SECISBP2: variants seen among roughly 807,000 people sequenced by gnomAD.
SECISBP2 encodes selenocysteine insertion sequence-binding protein 2.
A neutral mutation model predicts 98.2 loss-of-function variants in SECISBP2; 96 were observed. That is an observed-to-expected ratio of 0.98 (90% CI 0.83 to 1.16). SECISBP2 has a LOEUF of 1.16. Ranked by LOEUF, SECISBP2 falls within the 50% of genes most tolerant of loss-of-function variation. The probability of loss-of-function intolerance (pLI) is 0.00; values close to 1 mark genes in which losing one functional copy is unlikely to be tolerated. For synonymous variants in SECISBP2, 407 were observed against 370.2 expected (o/e 1.10, Z -1.14); for missense variants, 1,046 against 1,022.9 (o/e 1.02, Z -0.31).
chr9:89,341,287 A>G, intron 9 of SECISBP2, 60 bp from the exon 10 acceptor site: 1 of 1,511,178 alleles, frequency 6.6e-7, no homozygotes, highest in Non-Finnish European at 9.1e-7. Flanking sequence ...AGTTTTTTGT[A>G]AAAAGAAAAG....
intron 13 of SECISBP2, among the ~76,000 whole-genome samples, chr9:89,350,288 C>T (rs1197558921): frequency 2.0e-5 from 3 of 152,194 alleles, no homozygotes; most frequent in Non-Finnish European, 4.4e-5. Context: ...CTCACTCTGC[C>T]TTCTCCCCTG....
At chr9:89,365,788 ACAGTAGTGGC>A in the SECISBP2 span, 16 of 152,390 alleles carry the variant, frequency 1.0e-4, no homozygotes, top group East Asian at 3.1e-3. Context: ...CCTGGGCAGG[ACAGTAGTGGC>A]CAGAGAGCTT....
downstream of SECISBP2, chr9:89,361,513 A>G (rs529122820): frequency 1.3e-5 from 2 of 152,318 alleles, no homozygotes; most frequent in East Asian, 3.9e-4. Flanking sequence ...GGACAAGTTC[A>G]CACACACAGT....
intron 14 of SECISBP2, among the ~76,000 whole-genome samples, chr9:89,352,284 C>G (rs1164541987): frequency 6.6e-6 from 1 of 152,198 alleles, no homozygotes; most frequent in African/African-American, 2.4e-5. Flanking sequence ...CCTTCATTCC[C>G]AGCTCACTGC....
downstream of SECISBP2, chr9:89,362,252 A>T: frequency 7.5e-7 from 1 of 1,338,032 alleles, no homozygotes; most frequent in Non-Finnish European, 1.1e-6. Context: ...TCTGCCCATC[A>T]GGTGGTGGCC....
the SECISBP2 span, among the ~76,000 whole-genome samples, chr9:89,366,121 C>T: frequency 1.3e-5 from 2 of 152,136 alleles, no homozygotes; most frequent in Non-Finnish European, 2.9e-5. Flanking sequence ...GTCACTCATT[C>T]GAAGTGCCAT....
At chr9:89,320,691 T>G (rs1255319223) in intron 2 of SECISBP2, among the ~76,000 whole-genome samples, 1 of 152,222 alleles carries the variant, frequency 6.6e-6, no homozygotes, top group African/African-American at 2.4e-5. Context: ...AAGGCTTACA[T>G]TTTTCCTTAC....
In SECISBP2 at chr9:89,328,691, C is replaced by T. The variant is rs1827200144; in HGVS notation, c.606C>T (p.Ser202=). 2.5e-6 allele frequency: 4 copies of T among 1,614,060 alleles called. No individual in the cohort carries two copies. The highest frequency in any genetic ancestry group is 3.3e-4 in the Middle Eastern group (2 of 6,062). Residue 202 remains serine (S), a synonymous_variant, in exon 5 of 17, where the codon TCC becomes TCT. Transcript: ENST00000375807. ...ACCATAAGCGAACAGACAGGAAATC[C>T]AGAATCATTGCAAAAAATGTATCTA... ...DGYHKRTDRK[S]RIIAKNVSTS...
chr9:89,359,842 C>T (rs1020097513), downstream of SECISBP2, among the ~76,000 whole-genome samples: 12 of 152,062 alleles, frequency 7.9e-5, no homozygotes, highest in Non-Finnish European at 1.2e-4. Context: ...ACAGACCTGC[C>T]GGAGCCAGAT....
downstream of SECISBP2, chr9:89,361,990 G>T: frequency 3.5e-6 from 1 of 289,096 alleles, no homozygotes; most frequent in South Asian, 5.9e-5. Flanking sequence ...ATTAGGGGGT[G>T]GGGGCACTCT....
chr9:89,334,810 A>G (rs1828357865), intron 7 of SECISBP2, 80 bp downstream of exon 7: 1 of 1,050,056 alleles, frequency 9.5e-7, no homozygotes, highest in Non-Finnish European at 1.5e-6. Context: ...TTATTTATTA[A>G]TGGGTAGAGA....
chr9:89,349,749 CTGA>C, intron 12 of SECISBP2, 24 bp from the exon 13 acceptor site: 1 of 1,613,842 alleles, frequency 6.2e-7, no homozygotes, highest in Non-Finnish European at 8.5e-7. Flanking sequence ...TCACAGATAT[CTGA>C]TGATGCCTTT....
At chr9:89,360,184 TG>T (rs1832657432), downstream of SECISBP2, among the ~76,000 whole-genome samples, 1 of 152,152 alleles carries the variant, frequency 6.6e-6, no homozygotes, top group Admixed American at 6.5e-5. Context: ...GAAGTAGATG[TG>T]GTCAGCCAGG....
At chr9:89,342,298 A>G (rs1829767014) in intron 10 of SECISBP2, among the ~76,000 whole-genome samples, 2 of 152,252 alleles carry the variant, frequency 1.3e-5, no homozygotes, top group Admixed American at 6.5e-5. Flanking sequence ...GTGTCAGTGA[A>G]GATGTGGAAA....
downstream of SECISBP2, among the ~76,000 whole-genome samples, chr9:89,359,995 G>A (rs1386398976): frequency 1.3e-5 from 2 of 152,200 alleles, no homozygotes; most frequent in African/African-American, 4.8e-5. Flanking sequence ...TTGAGAAGCG[G>A]CCTGTGATGA....
At chr9:89,330,750 C>A (rs143879012) in intron 5 of SECISBP2, among the ~76,000 whole-genome samples, 1 of 152,302 alleles carries the variant, frequency 6.6e-6, no homozygotes, top group African/African-American at 2.4e-5. Flanking sequence ...TGGGTTTGTG[C>A]GGTGGCTGAA....
intron 4 of SECISBP2, among the ~76,000 whole-genome samples, chr9:89,327,678 A>T (rs1826985542): frequency 6.6e-6 from 1 of 152,152 alleles, no homozygotes; most frequent in Admixed American, 6.5e-5. Flanking sequence ...ATATTGTCCC[A>T]CTGGAAGGTC....
In SECISBP2 at chr9:89,354,304, C is replaced by G. The variant is rs542995431; in HGVS notation, c.2114-3107C>G. On this transcript the variant is annotated intron_variant, in intron 14 of 16. Coordinates refer to ENST00000375807, the MANE Select transcript of SECISBP2 (RefSeq NM_024077.5). Reference sequence around the variant, plus strand: ...ACTCAGCTTAGAGTGGTACTTTCAGCTGTGACTTACTACAGTGAAAAGGCA... The same window carrying G: ...ACTCAGCTTAGAGTGGTACTTTCAGGTGTGACTTACTACAGTGAAAAGGCA... 1.6e-4 allele frequency among the ~76,000 whole-genome samples: 25 copies of G among 152,316 alleles called. No individual in the cohort carries two copies. In the South Asian group the frequency reaches 4.8e-3, roughly 29 times the overall value.
chr9:89,353,355 C>T (rs1317351246), intron 14 of SECISBP2, among the ~76,000 whole-genome samples: 1 of 152,206 alleles, frequency 6.6e-6, no homozygotes, highest in Non-Finnish European at 1.5e-5. Context: ...CCAAGGAAGA[C>T]TTCTCACTGC....
Sources: allele counts gnomAD v4.1 joint callset (sites outside exome capture counted in the v4.1 genomes callset), GRCh38; gene constraint gnomAD v4.1.1; transcripts MANE v1.5; gene names NCBI Gene and HGNC (gene_info 2026-07-23, HGNC 2026-07-21).